Variants in TTC22 observed in about 807,000 individuals in gnomAD.
TTC22 encodes tetratricopeptide repeat protein 22.
Under a neutral mutation model 48.2 loss-of-function variants are expected in TTC22, and 42 were observed. The observed-to-expected ratio is 0.87, with a 90% CI of 0.68 to 1.13. The LOEUF (loss-of-function observed/expected upper bound fraction) is 1.13. Ranked by LOEUF, TTC22 falls within the 50% of genes most tolerant of loss-of-function variation. TTC22 has a pLI of 0.00. For missense variants in TTC22, 784 were observed against 807.0 expected (o/e 0.97, Z 0.34); for synonymous variants, 345 against 365.5 (o/e 0.94, Z 0.64).
rs752913308 is a variant in TTC22 at position 54,800,976 on chromosome 1, G to T, written c.188C>A (p.Pro63Gln). The change falls in exon 1 of 7, where the codon CCG (proline) becomes CAG (glutamine). Residue 63 changes from proline to glutamine, a missense_variant. By Grantham distance (76) the Pro-to-Gln change is moderately conservative. Transcript: ENST00000371276. Reference protein sequence around the residue: ...LRQELQLAAAPQRPAVRHLLG... With the variant: ...LRQELQLAAAQQRPAVRHLLG... Reference sequence around the variant, plus strand: ...GAGGTGACGCACAGCGGGGCGCTGCGGGGCGGCCGCCAGCTGGAGCTCCTG... The same window carrying T: ...GAGGTGACGCACAGCGGGGCGCTGCTGGGCGGCCGCCAGCTGGAGCTCCTG... 5 of 1,603,750 alleles carry T rather than the reference G, an allele frequency of 3.1e-6. No homozygotes were observed. Among genetic ancestry groups the T allele is most frequent in the Admixed American group, 3.4e-5 (2 of 59,032 alleles).
chr1:54,781,219 G>A lies in TTC22; in HGVS notation c.*24C>T. 1.4e-6 allele frequency: 2 copies of A among 1,407,094 alleles called. No homozygotes were observed. Among genetic ancestry groups the A allele is most frequent in the Non-Finnish European group, 1.8e-6 (2 of 1,089,110 alleles). The allele number at this position is 1,407,094 out of a possible 1,614,324, so 87.2% of individuals were successfully genotyped here. ...CGGGGCCTGGGCGGGGTCCCAGGGA[G>A]CCTCCGGCCTGGGCACCTGAGCCCT... On this transcript the variant is annotated 3_prime_UTR_variant, in exon 7 of 7. Transcript: ENST00000371276.
intron 1 of TTC22, among the ~76,000 whole-genome samples, chr1:54,789,068 A>G (rs1479457530): frequency 2.0e-5 from 3 of 152,230 alleles, no homozygotes; most frequent in African/African-American, 7.2e-5. Flanking sequence ...CACATTTTAT[A>G]GTGGAACATA....
Position 54,785,994 on chromosome 1 carries a change from T to C in TTC22, c.1009A>G (p.Thr337Ala). The change falls in exon 5 of 7, where the codon ACA becomes GCA. Residue 337 changes from threonine to alanine, a missense_variant. Thr to Ala is a moderately conservative substitution (Grantham distance 58). Coordinates refer to ENST00000371276, the MANE Select transcript of TTC22 (RefSeq NM_001114108.2). ...GGAAGTTGACCCACCTTGGCCCTTG[T>C]GCAGTACGCCTGCCAGTTGAGTTCT... The part of the protein sequence containing the change: ...DPELNWQAYC[T>A]RAKIHIRAYL... 1 of 1,613,624 alleles carries C rather than the reference T, an allele frequency of 6.2e-7. No individual in the cohort carries two copies. The highest frequency in any genetic ancestry group is 2.2e-5 in the East Asian group (1 of 44,860).
rs1646265684 is a variant in TTC22 at position 54,781,812 on chromosome 1, C to T, written c.1174-33G>A. The T allele has an allele frequency of 8.6e-6, 12 of 1,388,992 alleles. No individual in the cohort carries two copies. The South Asian group carries it at 1.7e-4, about 20-fold the overall frequency. The allele number at this position is 1,388,992 out of a possible 1,614,324, so 86.0% of individuals were successfully genotyped here. A position where few individuals can be genotyped will look rare whatever the true frequency, so the allele number is the denominator to read the frequency against. On this transcript the variant is annotated intron_variant, in intron 6 of 6. Coordinates refer to ENST00000371276, the MANE Select transcript of TTC22 (RefSeq NM_001114108.2). ...CGGGGACGCGGGGTGAGCCCTTCAC[C>T]GCAGGCGCGGCTCCACGCTCATTCC...
Position 54,787,732 on chromosome 1 carries a change from A to G in TTC22, c.718T>C (p.Ser240Pro). 1 of 1,613,122 alleles carries G rather than the reference A, an allele frequency of 6.2e-7. No individual in the cohort carries two copies. The change falls in exon 3 of 7, where the codon TCC becomes CCC. Residue 240 changes from serine to proline, a missense_variant. Physicochemically the swap from Ser to Pro is moderately conservative, Grantham distance 74 (BLOSUM62 -1). Transcript: ENST00000371276. ...TLALLRQVLK[S>P]EDPRHRALAW... ...CCACCTCGGTGGCGGGGGTCCTCGG[A>G]CTTCAGCACTTGCCGGAGTAGGGCC...
chr1:54,800,757 G>A lies in TTC22; in HGVS notation c.407C>T (p.Pro136Leu). Residue 136 changes from proline (P) to leucine (L), a missense_variant, in exon 1 of 7, where the codon CCC (proline) becomes CTC (leucine). Pro to Leu is a moderately conservative substitution (Grantham distance 98). Transcript: ENST00000371276. ...GAGCTGGGGGTCCCCGGCGGCCTCG[G>A]GCTCCTCTGCCAGGCCCATGAGGTC... Reference protein sequence around the residue: ...LADLMGLAEEPEAAGDPQLRA... With the variant: ...LADLMGLAEELEAAGDPQLRA... The A allele has an allele frequency of 6.5e-7, 1 of 1,549,130 alleles. No homozygotes were observed. The highest frequency in any genetic ancestry group is 2.4e-5 in the East Asian group (1 of 41,294).
intron 1 of TTC22, chr1:54,792,909 G>A (rs1646363606): frequency 2.0e-5 from 3 of 152,154 alleles, no homozygotes; most frequent in Admixed American, 1.3e-4. Context: ...CTCTATCCTG[G>A]AGAATAAAGT....
rs1236077432 is a variant in TTC22 at position 54,780,710 on chromosome 1, C to G, written c.*533G>C. On this transcript the variant is annotated 3_prime_UTR_variant, in exon 7 of 7. Coordinates refer to ENST00000371276, the MANE Select transcript of TTC22 (RefSeq NM_001114108.2). ...TGAGCACGAGGCTTAGGCTAGGGCC[C>G]TGTCCCGTAACTCACTCGCCGTGCC... The G allele has an allele frequency of 2.0e-5, 3 of 152,368 alleles. No individual in the cohort carries two copies. The highest frequency in any genetic ancestry group is 4.4e-5 in the Non-Finnish European group (3 of 68,124). The allele number at this position is 152,368 out of a possible 1,614,324, so 9.4% of individuals were successfully genotyped here.
chr1:54,799,526 G>A (rs1221876836), intron 1 of TTC22, among the ~76,000 whole-genome samples: 1 of 152,226 alleles, frequency 6.6e-6, no homozygotes, highest in Non-Finnish European at 1.5e-5. Flanking sequence ...AAGAACCTAG[G>A]CCTCCTGGCT....
chr1:54,795,479 TG>T (rs1206063003), intron 1 of TTC22, among the ~76,000 whole-genome samples: 1 of 152,212 alleles, frequency 6.6e-6, no homozygotes, highest in Non-Finnish European at 1.5e-5. Context: ...CCAGACTTGC[TG>T]GCCTGTGTTG....
intron 5 of TTC22, 101 bp downstream of exon 5, chr1:54,785,882 G>A (rs2101445308): frequency 5.3e-6 from 6 of 1,130,882 alleles, no homozygotes; most frequent in Non-Finnish European, 6.3e-6. Flanking sequence ...TCCACCATGA[G>A]GACTCCCTGA....
intron 1 of TTC22, among the ~76,000 whole-genome samples, chr1:54,794,572 C>T (rs1557775877): frequency 6.6e-6 from 1 of 152,162 alleles, no homozygotes; most frequent in Non-Finnish European, 1.5e-5. Context: ...CCTCTAGATT[C>T]AGAGTCAGTT....
intron 3 of TTC22, chr1:54,787,463 C>T (rs1303733412): frequency 5.3e-5 from 31 of 583,082 alleles, no homozygotes; most frequent in Non-Finnish European, 6.7e-5. Flanking sequence ...ATAGGGGAAA[C>T]TACCTCTCAC....
At chr1:54,794,251 A>G (rs1235883448) in intron 1 of TTC22, among the ~76,000 whole-genome samples, 1 of 152,188 alleles carries the variant, frequency 6.6e-6, no homozygotes, top group Non-Finnish European at 1.5e-5. Flanking sequence ...TGAGGAAGCA[A>G]AAAAGGTTAG....
At position 54,800,805 on chromosome 1, in the gene TTC22, T is replaced by C. The variant is rs913996200; in HGVS notation, c.359A>G (p.Glu120Gly). 11 of 1,583,708 alleles carry C rather than the reference T, an allele frequency of 6.9e-6. No individual in the cohort carries two copies. The African/African-American group carries it at 1.3e-4, about 19-fold the overall frequency. Residue 120 changes from glutamate (E) to glycine (G), a missense_variant, in exon 1 of 7, where the codon GAG becomes GGG. By Grantham distance (98) the Glu-to-Gly change is moderately conservative (BLOSUM62 -2). Transcript: ENST00000371276. Reference protein sequence around the residue: ...YGRLGQEEEEEACAARLADLM... With the variant: ...YGRLGQEEEEGACAARLADLM... ...GTCGGCCAGCCGTGCGGCGCACGCC[T>C]CCTCCTCTTCTTCCTGGCCCAGCCG...
chr1:54,789,022 T>C (rs540477089), intron 1 of TTC22, among the ~76,000 whole-genome samples: 2 of 152,200 alleles, frequency 1.3e-5, no homozygotes, highest in Non-Finnish European at 2.9e-5. Flanking sequence ...ACCCATTTTC[T>C]CCATCTCACA....
chr1:54,782,992 C>T (rs1413255980), intron 5 of TTC22, among the ~76,000 whole-genome samples: 2 of 152,176 alleles, frequency 1.3e-5, no homozygotes, highest in Middle Eastern at 3.2e-3. Context: ...TCTATGTCAA[C>T]AAGCAGTTTG....
At chr1:54,795,979 G>A (rs968915466) in intron 1 of TTC22, among the ~76,000 whole-genome samples, 9 of 152,226 alleles carry the variant, frequency 5.9e-5, no homozygotes, top group African/African-American at 2.2e-4. Context: ...AAGACACAAC[G>A]CCTCTCTGTG....
chr1:54,781,785 G>T lies in TTC22; in HGVS notation c.1174-6C>A. 1.4e-6 allele frequency: 2 copies of T among 1,416,628 alleles called. No individual in the cohort carries two copies. Among genetic ancestry groups the T allele is most frequent in the Non-Finnish European group, 1.8e-6 (2 of 1,088,132 alleles). The allele number at this position is 1,416,628 out of a possible 1,614,324, so 87.8% of individuals were successfully genotyped here. Reference sequence around the variant, plus strand: ...ACGCCCATATAGTAGTAGACCTGGGGTCGGGGACGCGGGGTGAGCCCTTCA... The same window carrying T: ...ACGCCCATATAGTAGTAGACCTGGGTTCGGGGACGCGGGGTGAGCCCTTCA... On this transcript the variant is annotated splice_region_variant and splice_polypyrimidine_tract_variant and intron_variant, in intron 6 of 6. Transcript: ENST00000371276.
Sources: allele counts gnomAD v4.1 joint callset (sites outside exome capture counted in the v4.1 genomes callset), GRCh38; gene constraint gnomAD v4.1.1; transcripts MANE v1.5; gene names NCBI Gene and HGNC (gene_info 2026-07-23, HGNC 2026-07-21).